The following FGF20 variants were observed in gnomAD, a reference collection of about 807,000 sequenced individuals.
FGF20 encodes fibroblast growth factor 20.
FGF20 carries 8 observed loss-of-function variants against 16.7 expected under a neutral mutation model. The observed-to-expected ratio is 0.48, with a 90% CI of 0.28 to 0.87. The LOEUF (loss-of-function observed/expected upper bound fraction) is 0.87, where lower values mean the gene tolerates loss of function less well. Ranked by LOEUF, FGF20 falls within the 40% of genes least tolerant of loss-of-function variation. FGF20 has a pLI of 0.10. For missense variants in FGF20, 397 were observed against 281.4 expected (o/e 1.41, Z -2.94); for synonymous variants, 161 against 118.6 (o/e 1.36, Z -2.32).
chr8:16,999,127 G>A (rs1216031559), intron 1 of FGF20, among the ~76,000 whole-genome samples: 2 of 152,090 alleles, frequency 1.3e-5, no homozygotes, highest in African/African-American at 4.8e-5. Flanking sequence ...ATTGAAGGCC[G>A]CTAGGATGTA....
chr8:16,993,370 T>G, intron 2 of FGF20, 53 bp from the exon 3 acceptor site: 1 of 1,497,148 alleles, frequency 6.7e-7, no homozygotes, highest in Non-Finnish European at 9.0e-7. Flanking sequence ...TTGAGATAAT[T>G]TCCTTACAAG....
chr8:16,998,781 T>A (rs1810115793), intron 1 of FGF20, among the ~76,000 whole-genome samples: 1 of 151,972 alleles, frequency 6.6e-6, no homozygotes, highest in Admixed American at 6.6e-5. Context: ...CAGAAATGAT[T>A]CCATGTTTAC....
chr8:16,992,764 G>T lies in FGF20; in HGVS notation c.*308C>A. ...AGTAAACATAATCCAGAGAGGTGAGGCACCAGCAGCAACCATGTGAGGGTT... is the reference window on the plus strand; with the variant it reads ...AGTAAACATAATCCAGAGAGGTGAGTCACCAGCAGCAACCATGTGAGGGTT... On this transcript the variant is annotated 3_prime_UTR_variant, in exon 3 of 3. Transcript: ENST00000180166. 4.4e-6 allele frequency: 1 copy of T among 226,168 alleles called. No individual in the cohort carries two copies. 14.0% of individuals were successfully genotyped at this position (226,168 alleles called of 1,614,324 possible).
intron 1 of FGF20, among the ~76,000 whole-genome samples, chr8:17,001,498 G>T (rs1451900277): frequency 6.6e-6 from 1 of 152,050 alleles, no homozygotes; most frequent in Non-Finnish European, 1.5e-5. Context: ...TTCTCCTCCC[G>T]CCCCCAGCAT....
chr8:16,992,994 G>C lies in FGF20; in HGVS notation c.*78C>G. On this transcript the variant is annotated 3_prime_UTR_variant, in exon 3 of 3. Transcript: ENST00000180166. The stretch of plus-strand genomic sequence containing the variant: ...CTTTAATATTTTGAACGTCTCCTTG[G>C]GTCATTATTTTATGATGGGAACTAT... 2 of 1,476,798 alleles carry C rather than the reference G, an allele frequency of 1.4e-6. No homozygotes were observed. Among genetic ancestry groups the C allele is most frequent in the Non-Finnish European group, 1.8e-6 (2 of 1,089,606 alleles). The allele number at this position is 1,476,798 out of a possible 1,614,324, so 91.5% of individuals were successfully genotyped here.
rs943038068 is a variant in FGF20, at chr8:17,002,220, C to T, written c.-188G>A. The T allele has an allele frequency of 1.9e-6, 1 of 535,522 alleles. No individual in the cohort carries two copies. Among genetic ancestry groups the T allele is most frequent in the Non-Finnish European group, 3.0e-6 (1 of 329,416 alleles). 33.2% of individuals were successfully genotyped at this position (535,522 alleles called of 1,614,324 possible). ...GAAGCTCTCACTGTCTTGGAGCGAT[C>T]TTCTCTCCTTGGGTAGGTGGGAGCC... On this transcript the variant is annotated 5_prime_UTR_variant, in exon 1 of 3. Transcript: ENST00000180166.
intron 2 of FGF20, among the ~76,000 whole-genome samples, chr8:16,994,393 C>T (rs1809995529): frequency 6.6e-6 from 1 of 152,136 alleles, no homozygotes; most frequent in Non-Finnish European, 1.5e-5. Context: ...ATTGTCTTTT[C>T]AAAATGGACT....
intron 2 of FGF20, among the ~76,000 whole-genome samples, chr8:16,994,346 C>A (rs1483688154): frequency 7.2e-5 from 11 of 152,174 alleles, no homozygotes; most frequent in Non-Finnish European, 2.9e-5. Context: ...ATACATTCTC[C>A]ACGATTTTTT....
In FGF20 at chr8:16,999,609, G is replaced by A. The variant is rs370740124; in HGVS notation, c.286+2138C>T. Among the ~76,000 whole-genome samples, 6 of 143,250 alleles carry A rather than the reference G, an allele frequency of 4.2e-5. No homozygotes were observed. The East Asian group carries it at 1.3e-3, about 32-fold the overall frequency. The allele number at this position is 143,250 out of a possible 152,430, so 94.0% of individuals were successfully genotyped here. On this transcript the variant is annotated intron_variant, in intron 1 of 2. Coordinates refer to ENST00000180166, the MANE Select transcript of FGF20 (RefSeq NM_019851.3). ...GTGATCTTGGCTCACTGCAACCTGCGCCTCCCGGGTTCAAGCAATTCTCTG... is the reference window on the plus strand; with the variant it reads ...GTGATCTTGGCTCACTGCAACCTGCACCTCCCGGGTTCAAGCAATTCTCTG...
rs562101384 is a variant in FGF20, at chr8:16,995,892, T to G, written c.287-134A>C. The G allele has an allele frequency of 9.0e-5, 47 of 523,064 alleles. 2 individuals carry two copies. In the South Asian group the frequency reaches 1.6e-3, roughly 17 times the overall value. 32.4% of individuals were successfully genotyped at this position (523,064 alleles called of 1,614,324 possible). On this transcript the variant is annotated intron_variant, in intron 1 of 2. Coordinates refer to ENST00000180166, the MANE Select transcript of FGF20 (RefSeq NM_019851.3). The stretch of plus-strand genomic sequence containing the variant: ...TATAATGATGTACGTGTAAAAGTCC[T>G]TTGTACACTGGAAACAGCTATGCAA...
rs778706887 is a variant in FGF20 at position 17,001,754 on chromosome 8, G to A, written c.279C>T (p.Ser93=). The A allele has an allele frequency of 1.9e-6, 3 of 1,579,490 alleles. No homozygotes were observed. Among genetic ancestry groups the A allele is most frequent in the Non-Finnish European group, 1.7e-6 (2 of 1,165,984 alleles). The change falls in exon 1 of 3, where the codon AGC becomes AGT. Residue 93 remains serine, a synonymous_variant. Coordinates refer to ENST00000180166, the MANE Select transcript of FGF20 (RefSeq NM_019851.3). The stretch of plus-strand genomic sequence containing the variant: ...CGGGATGCTAGTACGTACCGAAGAG[G>A]CTGTGGTCCTGCCGGGTGCCCTGCA... ...GSVQGTRQDH[S]LFGILEFISV...
intron 1 of FGF20, among the ~76,000 whole-genome samples, chr8:16,996,846 C>T (rs1810062269): frequency 6.6e-6 from 1 of 152,202 alleles, no homozygotes; most frequent in African/African-American, 2.4e-5. Flanking sequence ...GTAGAACTGA[C>T]ATTTAAACTT....
At position 16,992,953 on chromosome 8, in the gene FGF20, C is replaced by T. The variant is rs1809949108; in HGVS notation, c.*119G>A. 3 of 1,282,802 alleles carry T rather than the reference C, an allele frequency of 2.3e-6. No individual in the cohort carries two copies. Among genetic ancestry groups the T allele is most frequent in the East Asian group, 2.3e-5 (1 of 42,816 alleles). 79.5% of individuals were successfully genotyped at this position (1,282,802 alleles called of 1,614,324 possible). ...TCAATATTCTTTCCAAATCCAGTCT[C>T]TCAGTAGAAAATAGACTTTAATATT... On this transcript the variant is annotated 3_prime_UTR_variant, in exon 3 of 3. Coordinates refer to ENST00000180166, the MANE Select transcript of FGF20 (RefSeq NM_019851.3).
intron 2 of FGF20, 22 bp downstream of exon 2, chr8:16,995,632 TA>T (rs777806414): frequency 1.4e-5 from 15 of 1,055,132 alleles, no homozygotes; most frequent in Admixed American, 7.5e-5. Flanking sequence ...ACAATAATAA[TA>T]AAAAATAAAA....
chr8:16,997,668 A>G (rs1810087274), intron 1 of FGF20, among the ~76,000 whole-genome samples: 1 of 152,322 alleles, frequency 6.6e-6, no homozygotes, highest in East Asian at 1.9e-4. Context: ...AGGATCCCTC[A>G]TTGAAAGCCT....
chr8:16,996,457 C>G (rs1810049290), intron 1 of FGF20, among the ~76,000 whole-genome samples: 1 of 152,122 alleles, frequency 6.6e-6, no homozygotes, highest in Admixed American at 6.6e-5. Flanking sequence ...AAATGCCTCC[C>G]TAAAGGAGAT....
chr8:16,998,501 C>G (rs1185698928), intron 1 of FGF20, among the ~76,000 whole-genome samples: 1 of 152,114 alleles, frequency 6.6e-6, no homozygotes, highest in Admixed American at 6.5e-5. Flanking sequence ...TAAGCTAATT[C>G]CTTTACAAAG....
chr8:17,001,685 G>T lies in FGF20; in HGVS notation c.286+62C>A. ...GGCAGGCAAAGAGGGAGGTGCAAGG[G>T]GAGGGAACGAGGAGCCGAGCTGGGG... is the stretch of plus-strand genomic sequence containing the variant. On this transcript the variant is annotated intron_variant, in intron 1 of 2. Coordinates refer to ENST00000180166, the MANE Select transcript of FGF20 (RefSeq NM_019851.3). 3.4e-6 allele frequency: 5 copies of T among 1,481,776 alleles called. No individual in the cohort carries two copies. The South Asian group carries it at 6.5e-5, about 19-fold the overall frequency. 91.8% of individuals were successfully genotyped at this position (1,481,776 alleles called of 1,614,324 possible). A position where few individuals can be genotyped will look rare whatever the true frequency, so the allele number is the denominator to read the frequency against.
chr8:17,001,540 G>A (rs1319323986), intron 1 of FGF20, among the ~76,000 whole-genome samples: 1 of 152,120 alleles, frequency 6.6e-6, no homozygotes, highest in East Asian at 1.9e-4. Flanking sequence ...AGGCTGCGGC[G>A]ACAAACCAGC....
Sources: allele counts gnomAD v4.1 joint callset (sites outside exome capture counted in the v4.1 genomes callset), GRCh38; gene constraint gnomAD v4.1.1; transcripts MANE v1.5; gene names NCBI Gene and HGNC (gene_info 2026-07-23, HGNC 2026-07-21).